The following MCM2 variants were observed in gnomAD, a reference collection of about 807,000 sequenced individuals.
MCM2 encodes minichromosome maintenance complex component 2, also known as DNA replication licensing factor MCM2.
In MCM2, 49 loss-of-function variants were observed where a neutral mutation model predicts 86.4. The ratio of observed to expected loss-of-function variants is 0.57; its 90% confidence interval spans 0.45 to 0.72. MCM2 has a LOEUF of 0.72. MCM2 is among the 30% of genes least tolerant of loss of function. MCM2 has a pLI of 0.00. For synonymous variants in MCM2, 475 were observed against 484.6 expected, an observed-to-expected ratio of 0.98 and a Z score of 0.26; for missense variants, 1,038 against 1,259.9, an observed-to-expected ratio of 0.82 and a Z score of 2.67.
At chr3:127,605,434 C>CTTTTTTT (rs1227332481) in intron 4 of MCM2, among the ~76,000 whole-genome samples, 2 of 86,136 alleles carry the variant, frequency 2.3e-5, no homozygotes, top group East Asian at 3.3e-4. Context: ...GGAATTGACT[C>CTTTTTTT]TTTTTTTTTT....
In MCM2 at chr3:127,619,044, C is replaced by T. The variant is rs746272800; in HGVS notation, c.2031C>T (p.Arg677=). 2.5e-6 allele frequency: 4 copies of T among 1,605,138 alleles called. No homozygotes were observed. The South Asian group carries it at 4.4e-5, about 18-fold the overall frequency. The stretch of plus-strand genomic sequence containing the variant: ...TATCTTAGGACGAGATGCTGGCCCG[C>T]TTCGTGGTGGGCAGCCACGTCAGAC... ...VDPVQDEMLA[R]FVVGSHVRHH... Residue 677 remains arginine (R), a synonymous_variant, in exon 13 of 16, where the codon CGC becomes CGT. Coordinates refer to ENST00000265056, the MANE Select transcript of MCM2 (RefSeq NM_004526.4).
In MCM2 at chr3:127,617,201, G is replaced by A; in HGVS notation, c.1774-78G>A. The A allele has an allele frequency of 6.2e-7, 1 of 1,605,124 alleles. No individual in the cohort carries two copies. The highest frequency in any genetic ancestry group is 8.5e-7 in the Non-Finnish European group (1 of 1,173,808). ...CTTAGCGACGGGAATGGTGTTAATG[G>A]GGTCCATTGGGACCTCATCGGAGAC... On this transcript the variant is annotated intron_variant, in intron 10 of 15. Transcript: ENST00000265056. This position sits in a 1 kb window ranked among gnomAD's most constrained non-coding sequence, Gnocchi z 4.1.
intron 8 of MCM2, among the ~76,000 whole-genome samples, chr3:127,609,702 T>C (rs2074378440): frequency 6.6e-6 from 1 of 152,082 alleles, no homozygotes; most frequent in African/African-American, 2.4e-5. Context: ...AAACAGAACG[T>C]TAAATTTCTG....
intron 1 of MCM2, 53 bp from the exon 2 acceptor site, chr3:127,599,265 T>C: frequency 1.4e-6 from 2 of 1,478,996 alleles, no homozygotes; most frequent in Middle Eastern, 3.5e-4. Flanking sequence ...AAGGAAGCTG[T>C]ATCATGCCTC....
chr3:127,599,606 C>T, intron 2 of MCM2, 59 bp downstream of exon 2: 5 of 1,464,934 alleles, frequency 3.4e-6, no homozygotes, highest in Non-Finnish European at 4.6e-6. Context: ...CCATTGTGTG[C>T]CTGGTGGCCT....
At chr3:127,620,957 C>A in intron 14 of MCM2, 77 bp downstream of exon 14, 1 of 1,571,188 alleles carries the variant, frequency 6.4e-7, no homozygotes, top group Non-Finnish European at 8.7e-7. Flanking sequence ...AGGGCTCTGG[C>A]CTGGACGTGC....
chr3:127,598,455 C>T lies in MCM2; in HGVS notation c.-12C>T, dbSNP rs1340122155. The T allele has an allele frequency of 6.2e-7, 1 of 1,613,396 alleles. No individual in the cohort carries two copies. The highest frequency in any genetic ancestry group is 1.1e-5 in the South Asian group (1 of 91,060). ...TTGTTGCTGTAGTGGCGGAGAGGATCGTGGTACTGCTATGGCGGTGAGCGC... is the reference window on the plus strand; with the variant it reads ...TTGTTGCTGTAGTGGCGGAGAGGATTGTGGTACTGCTATGGCGGTGAGCGC... On this transcript the variant is annotated 5_prime_UTR_variant, in exon 1 of 16. Coordinates refer to ENST00000265056, the MANE Select transcript of MCM2 (RefSeq NM_004526.4).
At position 127,608,832 on chromosome 3, in the gene MCM2, G is replaced by T; in HGVS notation, c.1237G>T (p.Glu413Ter). Residue 413 changes from glutamate (E) to a stop codon, truncating the protein, a stop_gained and splice_region_variant, in exon 8 of 16, where the codon GAG (glutamate) becomes TAG (stop). Coordinates refer to ENST00000265056, the MANE Select transcript of MCM2 (RefSeq NM_004526.4). LOFTEE classifies it high-confidence loss of function. ...VDSCKPGDEI[E>*]LTGIYHNNYD... ...CTTCTTGGCCCCTCCCTTTCCCCAG[G>T]AGCTGACTGGCATCTATCACAACAA... is the stretch of plus-strand genomic sequence containing the variant. 1 of 1,613,920 alleles carries T rather than the reference G, an allele frequency of 6.2e-7. No individual in the cohort carries two copies. The highest frequency in any genetic ancestry group is 1.3e-5 in the African/African-American group (1 of 75,028).
chr3:127,606,512 GC>G lies in MCM2; in HGVS notation c.894-97del. Reference sequence around the variant, plus strand: ...TGGGAGGGATCTTCCCGGGCTGGGGGCTGGGCCCAATTTCCAGGACAGTGTG... The same window carrying G: ...TGGGAGGGATCTTCCCGGGCTGGGGGTGGGCCCAATTTCCAGGACAGTGTG... On this transcript the variant is annotated intron_variant, in intron 5 of 15. Coordinates refer to ENST00000265056, the MANE Select transcript of MCM2 (RefSeq NM_004526.4). The surrounding 1 kb of genome is among the most constrained non-coding windows in gnomAD (Gnocchi z 4.2). The G allele has an allele frequency of 1.5e-6, 2 of 1,300,076 alleles. No homozygotes were observed. The highest frequency in any genetic ancestry group is 2.2e-6 in the Non-Finnish European group (2 of 919,958). The allele number at this position is 1,300,076 out of a possible 1,614,324, so 80.5% of individuals were successfully genotyped here.
chr3:127,618,199 T>A lies in MCM2; in HGVS notation c.2013+118T>A. 1 of 769,440 alleles carries A rather than the reference T, an allele frequency of 1.3e-6. No homozygotes were observed. The highest frequency in any genetic ancestry group is 2.3e-6 in the Non-Finnish European group (1 of 444,176). The allele number at this position is 769,440 out of a possible 1,614,324, so 47.7% of individuals were successfully genotyped here. ...GGTGCTGCAGGGGCCATAGGCTGTT[T>A]TCTAGTCCTGTTCCCTCGGTCTCTT... On this transcript the variant is annotated intron_variant, in intron 12 of 15. Transcript: ENST00000265056. This position sits in a 1 kb window ranked among gnomAD's most constrained non-coding sequence, Gnocchi z 4.0.
intron 14 of MCM2, 42 bp downstream of exon 14, chr3:127,620,922 T>C (rs769467801): frequency 3.2e-6 from 5 of 1,576,902 alleles, no homozygotes; most frequent in Non-Finnish European, 3.5e-6. Context: ...GCAAGCTCAG[T>C]GAAGGAGGCC....
At chr3:127,602,849 G>A (rs540816926) in intron 2 of MCM2, among the ~76,000 whole-genome samples, 1 of 152,330 alleles carries the variant, frequency 6.6e-6, no homozygotes, top group Admixed American at 6.5e-5. Context: ...AGTACAGGGA[G>A]AATTCCAGCC....
At position 127,606,540 on chromosome 3, in the gene MCM2, T is replaced by C; in HGVS notation, c.894-70T>C. On this transcript the variant is annotated intron_variant, in intron 5 of 15. Transcript: ENST00000265056. The surrounding 1 kb of genome is among the most constrained non-coding windows in gnomAD (Gnocchi z 4.2). ...GGGCCCAATTTCCAGGACAGTGTGT[T>C]GGGACACTCTCGTCTGCAGCCTGGC... is the stretch of plus-strand genomic sequence containing the variant. 6.9e-7 allele frequency: 1 copy of C among 1,444,030 alleles called. No individual in the cohort carries two copies. Among genetic ancestry groups the C allele is most frequent in the Non-Finnish European group, 9.7e-7 (1 of 1,032,700 alleles). 89.5% of individuals were successfully genotyped at this position (1,444,030 alleles called of 1,614,324 possible).
At position 127,604,615 on chromosome 3, in the gene MCM2, C is replaced by T. The variant is rs200588762; in HGVS notation, c.244C>T (p.Arg82Cys). The T allele has an allele frequency of 1.5e-5, 25 of 1,612,944 alleles. No homozygotes were observed. The highest frequency in any genetic ancestry group is 1.9e-5 in the Non-Finnish European group (23 of 1,179,830). ...GTTTTGGTGCTCCCTCAGGGACTAC[C>T]GCGCCATCCCAGAGCTGGACGCCTA... ...LIGDGMERDY[R>C]AIPELDAYEA... is the part of the protein sequence containing the mutation. The change falls in exon 3 of 16, where the codon CGC becomes TGC. Residue 82 changes from arginine to cysteine, a missense_variant. By Grantham distance (180) the Arg-to-Cys change is radical. Coordinates refer to ENST00000265056, the MANE Select transcript of MCM2 (RefSeq NM_004526.4).
In MCM2 at chr3:127,598,489, G is replaced by T. The variant is rs761890436; in HGVS notation, c.6+17G>T. On this transcript the variant is annotated intron_variant, in intron 1 of 15. Coordinates refer to ENST00000265056, the MANE Select transcript of MCM2 (RefSeq NM_004526.4). ...GCTATGGCGGTGAGCGCGCTGGCGC[G>T]TGGCGGGCGGGCGCCGGGGACATGG... 6 of 1,612,072 alleles carry T rather than the reference G, an allele frequency of 3.7e-6. No individual in the cohort carries two copies. Among genetic ancestry groups the T allele is most frequent in the Non-Finnish European group, 3.4e-6 (4 of 1,179,150 alleles).
At chr3:127,609,319 G>A (rs1017151841) in intron 8 of MCM2, among the ~76,000 whole-genome samples, 3 of 152,180 alleles carry the variant, frequency 2.0e-5, no homozygotes, top group South Asian at 2.1e-4. Context: ...GGGTTGCGAC[G>A]AGAAGAGCTC....
intron 8 of MCM2, among the ~76,000 whole-genome samples, chr3:127,610,517 C>G (rs2074386586): frequency 6.6e-6 from 1 of 152,314 alleles, no homozygotes; most frequent in East Asian, 1.9e-4. Context: ...TTGCCCCTTC[C>G]TTTTCCTCCT....
rs777228063 is a variant in MCM2, at chr3:127,605,031, G to A, written c.548G>A (p.Arg183His). The A allele has an allele frequency of 3.7e-6, 6 of 1,614,156 alleles. No individual in the cohort carries two copies. The highest frequency in any genetic ancestry group is 2.2e-5 in the East Asian group (1 of 44,890). ...NLEDLKGHSV[R>H]EWVSMAGPRL... is the part of the protein sequence containing the mutation. Reference sequence around the variant, plus strand: ...GAGGATCTCAAAGGCCACTCTGTGCGCGAGTGGGTGAGCATGGCGGGCCCC... The same window carrying A: ...GAGGATCTCAAAGGCCACTCTGTGCACGAGTGGGTGAGCATGGCGGGCCCC... Residue 183 changes from arginine to histidine, a missense_variant, in exon 4 of 16, where the codon CGC (arginine) becomes CAC (histidine). By Grantham distance (29) the Arg-to-His change is conservative. This residue lies in a region of MCM2 where 300 missense variants were observed against 307.4 expected (regional missense o/e 0.98). Transcript: ENST00000265056.
rs2074482485 is a variant in MCM2, at chr3:127,622,077, G to A, written c.*304G>A. The A allele has an allele frequency of 3.8e-6, 1 of 266,372 alleles. No individual in the cohort carries two copies. The highest frequency in any genetic ancestry group is 7.1e-6 in the Non-Finnish European group (1 of 140,808). The allele number at this position is 266,372 out of a possible 1,614,324, so 16.5% of individuals were successfully genotyped here. On this transcript the variant is annotated 3_prime_UTR_variant, in exon 16 of 16. Transcript: ENST00000265056. ...CAGAGCTGCTGAGTTCAGGATGCCT[G>A]CGTGTGGTTTAGGTGTTAGCCTTCT...
Sources: allele counts gnomAD v4.1 joint callset (sites outside exome capture counted in the v4.1 genomes callset), GRCh38; gene constraint gnomAD v4.1.1; regional missense constraint gnomAD v4.1.1; non-coding constraint Gnocchi (gnomAD v3.1); transcripts MANE v1.5; gene names NCBI Gene and HGNC (gene_info 2026-07-23, HGNC 2026-07-21).